Variants in CCDC178 observed in about 807,000 individuals in gnomAD.
CCDC178 encodes coiled-coil domain containing 178.
A neutral mutation model predicts 117.4 loss-of-function variants in CCDC178; 126 were observed. The observed-to-expected ratio is 1.07, with a 90% CI of 0.93 to 1.24. The LOEUF (loss-of-function observed/expected upper bound fraction) is 1.24, where lower values mean the gene tolerates loss of function less well. Ranked by LOEUF, CCDC178 falls within the 50% of genes most tolerant of loss-of-function variation. CCDC178 has a pLI of 0.00. For synonymous variants in CCDC178, 283 were observed against 313.4 expected (o/e 0.90, Z 1.02); for missense variants, 1,030 against 986.9 (o/e 1.04, Z -0.59).
chr18:33,288,350 G>C (rs150653108), intron 12 of CCDC178, among the ~76,000 whole-genome samples: 2,548 of 42,580 alleles, frequency 0.06, 172 homozygotes, highest in African/African-American at 0.13. Flanking sequence ...CTCCCCTCCT[G>C]TCCCCTCCTC....
chr18:32,999,405 G>C (rs2144764841), intron 21 of CCDC178, among the ~76,000 whole-genome samples: 1 of 152,262 alleles, frequency 6.6e-6, no homozygotes, highest in Non-Finnish European at 1.5e-5. Context: ...TCAGGGCCAG[G>C]GGAACTCACT....
chr18:33,265,561 G>T (rs145151071), intron 14 of CCDC178, among the ~76,000 whole-genome samples: 14 of 152,034 alleles, frequency 9.2e-5, no homozygotes, highest in Admixed American at 2.6e-4. Flanking sequence ...TGTATGGGCT[G>T]GAAAAAGTGA....
Position 33,245,350 on chromosome 18 carries a change from C to T in CCDC178, c.1488G>A (p.Lys496=). ...IMKLKNDKHL[K]NIYKEAYRIG... Reference sequence around the variant, plus strand: ...TGCGATAAGCCTCCTTATAGATGTTCTTGAGATGTTTATCATTCTTTAACT... The same window carrying T: ...TGCGATAAGCCTCCTTATAGATGTTTTTGAGATGTTTATCATTCTTTAACT... Residue 496 remains lysine (K), a synonymous_variant, in exon 15 of 23, where the codon AAG becomes AAA. Transcript: ENST00000383096. 1 of 1,607,076 alleles carries T rather than the reference C, an allele frequency of 6.2e-7. No homozygotes were observed. The highest frequency in any genetic ancestry group is 1.1e-5 in the South Asian group (1 of 89,440).
intron 2 of CCDC178, among the ~76,000 whole-genome samples, chr18:33,412,659 CA>C (rs1262204719): frequency 1.3e-5 from 2 of 152,216 alleles, no homozygotes; most frequent in East Asian, 3.9e-4. Context: ...TTAAGCAAAA[CA>C]CAAGTATCAT....
chr18:33,420,262 C>G (rs570746030), intron 2 of CCDC178, among the ~76,000 whole-genome samples: 1 of 152,222 alleles, frequency 6.6e-6, no homozygotes, highest in South Asian at 2.1e-4. Context: ...AAGGGAACAA[C>G]AGACACTGGA....
chr18:32,953,157 C>T (rs1383458570), intron 22 of CCDC178, among the ~76,000 whole-genome samples: 1 of 152,212 alleles, frequency 6.6e-6, no homozygotes, highest in Non-Finnish European at 1.5e-5. Context: ...AATCATCTCT[C>T]TCAAGTTCCA....
chr18:33,411,243 C>G (rs2144895838), intron 3 of CCDC178, among the ~76,000 whole-genome samples: 1 of 152,256 alleles, frequency 6.6e-6, no homozygotes, highest in South Asian at 2.1e-4. Flanking sequence ...TCAAAGTATT[C>G]AAGGTTAAGT....
intron 21 of CCDC178, among the ~76,000 whole-genome samples, chr18:32,988,982 C>T (rs2055330370): frequency 6.6e-6 from 1 of 152,078 alleles, no homozygotes; most frequent in African/African-American, 2.4e-5. Context: ...AAATTGCCCT[C>T]ATACAGAAAA....
At chr18:33,439,015 G>C (rs1025680583) in intron 2 of CCDC178, among the ~76,000 whole-genome samples, 2 of 152,132 alleles carry the variant, frequency 1.3e-5, no homozygotes, top group African/African-American at 4.8e-5. Context: ...GCTGTCAATC[G>C]TAGTAACCCT....
At chr18:33,055,298 CA>C (rs1567959658) in intron 21 of CCDC178, among the ~76,000 whole-genome samples, 1 of 151,852 alleles carries the variant, frequency 6.6e-6, no homozygotes, top group Non-Finnish European at 1.5e-5. Context: ...GCATATTTTT[CA>C]TGTGAAAAAA....
chr18:33,110,585 G>T (rs187566449), intron 20 of CCDC178, among the ~76,000 whole-genome samples: 11 of 151,534 alleles, frequency 7.3e-5, no homozygotes, highest in Non-Finnish European at 1.5e-4. Flanking sequence ...GAAATAGAAA[G>T]TCAAGGTATC....
intron 14 of CCDC178, among the ~76,000 whole-genome samples, chr18:33,256,603 A>G (rs1238347841): frequency 5.5e-4 from 83 of 152,082 alleles, no homozygotes; most frequent in Non-Finnish European, 5.9e-5. Flanking sequence ...TTTGAAGCTG[A>G]AAATCTATGT....
chr18:32,964,168 T>C (rs1379701753), intron 22 of CCDC178, among the ~76,000 whole-genome samples: 1 of 152,062 alleles, frequency 6.6e-6, no homozygotes, highest in African/African-American at 2.4e-5. Context: ...AAGGCACTTA[T>C]TCATTAGCTA....
chr18:33,204,601 T>C (rs1189593418), intron 20 of CCDC178, among the ~76,000 whole-genome samples: 1 of 152,148 alleles, frequency 6.6e-6, no homozygotes. Context: ...AAAATTTATA[T>C]ACCACCATTT....
intron 20 of CCDC178, among the ~76,000 whole-genome samples, chr18:33,192,431 C>T (rs2058869953): frequency 6.6e-6 from 1 of 152,090 alleles, no homozygotes; most frequent in South Asian, 2.1e-4. Context: ...GACATGGAGA[C>T]ATGGTCAATA....
Position 33,323,556 on chromosome 18 carries a change from A to AGGAAG in CCDC178, c.956_957insCTTCC (p.Gln320PhefsTer20). 1 of 1,576,840 alleles carries AGGAAG rather than the reference A, an allele frequency of 6.3e-7. No individual in the cohort carries two copies. Among genetic ancestry groups the AGGAAG allele is most frequent in the Non-Finnish European group, 8.6e-7 (1 of 1,160,830 alleles). The stretch of plus-strand genomic sequence containing the variant: ...TATCAATCTCTTCTTTAATTTGCTG[A>AGGAAG]GCCTTCAATCTGGCATTTTCACAGG... On this transcript the variant is annotated frameshift_variant, in exon 11 of 23. Coordinates refer to ENST00000383096, the MANE Select transcript of CCDC178 (RefSeq NM_001105528.4). LOFTEE classifies it high-confidence loss of function.
chr18:32,956,225 T>A (rs1437212243), intron 22 of CCDC178, among the ~76,000 whole-genome samples: 1 of 152,234 alleles, frequency 6.6e-6, no homozygotes, highest in Non-Finnish European at 1.5e-5. Context: ...TTTATTTTCA[T>A]GTCTTGTATT....
chr18:32,975,350 T>A (rs374467103), intron 21 of CCDC178, among the ~76,000 whole-genome samples: 1 of 152,168 alleles, frequency 6.6e-6, no homozygotes, highest in African/African-American at 2.4e-5. Context: ...AGAAGTGACA[T>A]GTTTAATACA....
chr18:33,420,275 C>G (rs2064006013), intron 2 of CCDC178, among the ~76,000 whole-genome samples: 1 of 152,102 alleles, frequency 6.6e-6, no homozygotes, highest in Admixed American at 6.6e-5. Context: ...ACACTGGACC[C>G]TACTTGAGGG....
Sources: allele counts gnomAD v4.1 joint callset (sites outside exome capture counted in the v4.1 genomes callset), GRCh38; gene constraint gnomAD v4.1.1; transcripts MANE v1.5; gene names NCBI Gene and HGNC (gene_info 2026-07-23, HGNC 2026-07-21).